The following RP1 variants were observed in gnomAD, a reference collection of about 807,000 sequenced individuals.
The protein encoded by RP1 is oxygen-regulated protein 1.
In RP1, 16 loss-of-function variants were observed where a neutral mutation model predicts 14.8. That is an observed-to-expected ratio of 1.08 (90% CI 0.73 to 1.65). The LOEUF is 1.65. RP1 is among the 40% of genes most tolerant of loss of function. The probability of loss-of-function intolerance (pLI) is 0.00; values close to 1 mark genes in which losing one functional copy is unlikely to be tolerated. For missense variants in RP1, 2,631 were observed against 2,535.0 expected (o/e 1.04, Z -0.81); for synonymous variants, 876 against 883.6 (o/e 0.99, Z 0.15).
chr8:54,844,880 T>C (rs1242663479), intron 25 of RP1, among the ~76,000 whole-genome samples: 1 of 152,136 alleles, frequency 6.6e-6, no homozygotes, highest in Admixed American at 6.5e-5. Flanking sequence ...ACTGGGTCAC[T>C]CTGTGTAAAG....
At chr8:54,597,087 G>A (rs1332953709) in intron 1 of RP1, among the ~76,000 whole-genome samples, 1 of 152,066 alleles carries the variant, frequency 6.6e-6, no homozygotes, top group Non-Finnish European at 1.5e-5. Context: ...CAATAGAATA[G>A]AACTAAAACT....
At chr8:54,763,145 T>C (rs1196983021) in intron 22 of RP1, among the ~76,000 whole-genome samples, 2 of 152,238 alleles carry the variant, frequency 1.3e-5, no homozygotes, top group Non-Finnish European at 2.9e-5. Context: ...TCTCCAGATT[T>C]TTCTGTGTTA....
chr8:54,841,606 C>A (rs1456673650), intron 25 of RP1, among the ~76,000 whole-genome samples: 1 of 152,232 alleles, frequency 6.6e-6, no homozygotes, highest in African/African-American at 2.4e-5. Flanking sequence ...GATCTCCTCC[C>A]AGAGGCCAGC....
intron 19 of RP1, among the ~76,000 whole-genome samples, chr8:54,748,189 A>G (rs1431021042): frequency 2.0e-5 from 3 of 152,212 alleles, no homozygotes; most frequent in Admixed American, 2.0e-4. Flanking sequence ...TTGAAGTTTT[A>G]AAGTATCTCA....
intron 1 of RP1, among the ~76,000 whole-genome samples, chr8:54,602,315 C>T (rs1406108667): frequency 1.3e-5 from 2 of 152,052 alleles, no homozygotes; most frequent in Non-Finnish European, 2.9e-5. Flanking sequence ...CGACAGTTTG[C>T]TGAGAATGAT....
At position 54,674,916 on chromosome 8, in the gene RP1, A is replaced by G. The variant is rs191475623; in HGVS notation, c.1402+988A>G. Among the ~76,000 whole-genome samples the G allele has an allele frequency of 4.1e-3, 621 of 152,296 alleles. 3 individuals carry two copies. Among genetic ancestry groups the G allele is most frequent in the South Asian group, 0.019 (90 of 4,832 alleles). ...TTTTACAGAGTCTAGGCCTGAATCCATAGTAAATATTAAGTCAAATAATGT... is the reference window on the plus strand; with the variant it reads ...TTTTACAGAGTCTAGGCCTGAATCCGTAGTAAATATTAAGTCAAATAATGT... On this transcript the variant is annotated intron_variant, in intron 8 of 22. Coordinates refer to the RP1 transcript ENST00000636932.
chr8:54,698,313 A>G (rs1484173371), intron 12 of RP1, among the ~76,000 whole-genome samples: 1 of 152,248 alleles, frequency 6.6e-6, no homozygotes, highest in Non-Finnish European at 1.5e-5. Flanking sequence ...TCATCAGAGA[A>G]ATGCAAATCA....
chr8:54,591,437 T>C (rs976023281), intron 1 of RP1, among the ~76,000 whole-genome samples: 1 of 152,102 alleles, frequency 6.6e-6, no homozygotes, highest in African/African-American at 2.4e-5. Flanking sequence ...TGAATAGTCT[T>C]TGAATAGTTT....
At chr8:54,675,010 A>G (rs1295571987) in intron 8 of RP1, among the ~76,000 whole-genome samples, 1 of 152,190 alleles carries the variant, frequency 6.6e-6, no homozygotes, top group South Asian at 2.1e-4. Context: ...TATTGAAAGG[A>G]CATGTGTCAT....
rs4014240 is a variant in RP1 at position 54,673,741 on chromosome 8, A to AAACAAC, written c.1324-85_1324-80dup. On this transcript the variant is annotated intron_variant, in intron 7 of 22. Coordinates refer to the RP1 transcript ENST00000636932. ...GGTGACAGAGGGAGAGCCTGTCTCA[A>AAACAAC]AACAACAACAACAACAACAACAACA... 2.2e-3 allele frequency: 1,785 copies of AAACAAC among 813,946 alleles called. 20 individuals are homozygous for AAACAAC. In the African/African-American group the frequency reaches 0.024, roughly 11 times the overall value. 50.4% of individuals were successfully genotyped at this position (813,946 alleles called of 1,614,324 possible).
chr8:54,666,998 G>C (rs1351757193), intron 7 of RP1, among the ~76,000 whole-genome samples: 1 of 152,040 alleles, frequency 6.6e-6, no homozygotes, highest in African/African-American at 2.4e-5. Context: ...TATGGCACTG[G>C]AAATAGGCAC....
At chr8:54,726,385 C>T in exon 17 of RP1, 1 of 1,533,148 alleles carries the variant, frequency 6.5e-7, no homozygotes, top group Non-Finnish European at 8.7e-7. Flanking sequence ...CAACACCCAG[C>T]CAAGAAGAAG....
At chr8:54,777,087 C>T (rs755652313) in intron 23 of RP1, among the ~76,000 whole-genome samples, 3 of 152,140 alleles carry the variant, frequency 2.0e-5, no homozygotes, top group East Asian at 3.9e-4. Context: ...GGTTTCTTTC[C>T]GATAAAATGT....
At chr8:54,850,431 T>A (rs1345061378) in intron 25 of RP1, among the ~76,000 whole-genome samples, 1 of 152,220 alleles carries the variant, frequency 6.6e-6, no homozygotes, top group African/African-American at 2.4e-5. Flanking sequence ...TATATATCCT[T>A]CCCTTGAGGT....
chr8:54,711,611 C>A (rs1437402955), intron 15 of RP1, among the ~76,000 whole-genome samples: 1 of 152,154 alleles, frequency 6.6e-6, no homozygotes, highest in African/African-American at 2.4e-5. Context: ...TAACCCTAAG[C>A]TCACACAGCA....
intron 24 of RP1, among the ~76,000 whole-genome samples, chr8:54,788,426 T>C (rs550851184): frequency 3.3e-5 from 5 of 152,192 alleles, no homozygotes; most frequent in Non-Finnish European, 7.4e-5. Flanking sequence ...TTTTCTCTCC[T>C]CCTTCTTGTC....
At chr8:54,839,757 C>T (rs1257430080) in intron 25 of RP1, among the ~76,000 whole-genome samples, 1 of 152,208 alleles carries the variant, frequency 6.6e-6, no homozygotes, top group African/African-American at 2.4e-5. Flanking sequence ...GCACAGAACA[C>T]ATGGGTACGT....
rs191191465 is a variant in RP1, at chr8:54,846,361, G to A, written c.3836-6213G>A. ...AATCTTCATAATGATAACTTTGAGG[G>A]GTGCAAAATATAACCTTTTTCCTTC... On this transcript the variant is annotated intron_variant, in intron 25 of 28. Coordinates refer to the RP1 transcript ENST00000637698. 2.6e-3 allele frequency among the ~76,000 whole-genome samples: 401 copies of A among 152,152 alleles called. 1 individual carries two copies. The highest frequency in any genetic ancestry group is 3.4e-3 in the Non-Finnish European group (234 of 68,014).
intron 7 of RP1, among the ~76,000 whole-genome samples, chr8:54,670,711 C>T (rs570293739): frequency 6.3e-4 from 63 of 99,992 alleles, no homozygotes; most frequent in Middle Eastern, 7.4e-3. Context: ...ATATATAAAA[C>T]ATTAAGTCCT....
Sources: allele counts gnomAD v4.1 joint callset (sites outside exome capture counted in the v4.1 genomes callset), GRCh38; gene constraint gnomAD v4.1.1; transcripts MANE v1.5; gene names NCBI Gene and HGNC (gene_info 2026-07-23, HGNC 2026-07-21).